MBD4: variants seen among roughly 807,000 people sequenced by gnomAD.
The protein encoded by MBD4 is methyl-CpG-binding domain protein 4.
In MBD4, 53 loss-of-function variants were observed where a neutral mutation model predicts 60.2. The observed-to-expected ratio is 0.88, with a 90% CI of 0.71 to 1.11. The LOEUF (loss-of-function observed/expected upper bound fraction) is 1.11. MBD4 is among the 50% of genes least tolerant of loss of function. The pLI, the probability that MBD4 is intolerant of heterozygous loss-of-function variation, is 0.00. For synonymous variants in MBD4, 231 were observed against 229.8 expected, an observed-to-expected ratio of 1.01 and a Z score of -0.05; for missense variants, 619 against 674.0, an observed-to-expected ratio of 0.92 and a Z score of 0.90.
At chr3:129,431,709 C>G in intron 7 of MBD4, 131 bp from the exon 8 acceptor site, 1 of 712,028 alleles carries the variant, frequency 1.4e-6, no homozygotes, top group East Asian at 2.6e-5. Flanking sequence ...AAGTTATAAC[C>G]TTTAACCTCC....
At chr3:129,439,607 C>G in intron 1 of MBD4, 123 bp downstream of exon 1, 1 of 753,870 alleles carries the variant, frequency 1.3e-6, no homozygotes, top group Admixed American at 2.0e-5. Context: ...GTAACTAAAC[C>G]CGTGGGCTTC....
In MBD4 at chr3:129,437,115, T is replaced by A; in HGVS notation, c.529A>T (p.Asn177Tyr). 1 of 1,613,980 alleles carries A rather than the reference T, an allele frequency of 6.2e-7. No homozygotes were observed. Among genetic ancestry groups the A allele is most frequent in the South Asian group, 1.1e-5 (1 of 91,044 alleles). Residue 177 changes from asparagine to tyrosine, a missense_variant, in exon 3 of 8, where the codon AAC becomes TAC. By Grantham distance (143) the Asn-to-Tyr change is moderately radical. Coordinates refer to ENST00000429544, the MANE Select transcript of MBD4 (RefSeq NM_001276270.2). Reference sequence around the variant, plus strand: ...TTGCACTTGCTTCGGGTCCTGAGGTTCCAGTTTGAATTGTTACTTTGGTTT... The same window carrying A: ...TTGCACTTGCTTCGGGTCCTGAGGTACCAGTTTGAATTGTTACTTTGGTTT... The part of the protein sequence containing the change: ...LQNQSNNSNW[N>Y]LRTRSKCKKD...
chr3:129,437,150 G>C lies in MBD4; in HGVS notation c.494C>G (p.Ser165Cys), dbSNP rs372555016. ...ATTGTTACTTTGGTTTTGTAGATGG[G>C]ATGTCAGGGCTGCCATGCTGCAGTC... ...YKDCSMAALTSHLQNQSNNSN... is the reference protein window; with the variant it reads ...YKDCSMAALTCHLQNQSNNSN... Residue 165 changes from serine (S) to cysteine (C), a missense_variant, in exon 3 of 8, where the codon TCC becomes TGC. By Grantham distance (112) the Ser-to-Cys change is moderately radical (BLOSUM62 -1). Transcript: ENST00000429544. 28 of 1,613,942 alleles carry C rather than the reference G, an allele frequency of 1.7e-5. No individual in the cohort carries two copies. The highest frequency in any genetic ancestry group is 2.2e-5 in the Non-Finnish European group (26 of 1,179,968).
rs528424261 is a variant in MBD4 at position 129,430,954 on chromosome 3, T to C, written c.*547A>G. On this transcript the variant is annotated 3_prime_UTR_variant, in exon 8 of 8. Coordinates refer to ENST00000429544, the MANE Select transcript of MBD4 (RefSeq NM_001276270.2). ...AATGCCAGAGGAATCTTATTTGTCTTTGGGGTCAGCTTTTATTTTTATTTT... is the reference window on the plus strand; with the variant it reads ...AATGCCAGAGGAATCTTATTTGTCTCTGGGGTCAGCTTTTATTTTTATTTT... 99 of 154,700 alleles carry C rather than the reference T, an allele frequency of 6.4e-4. No homozygotes were observed. The highest frequency in any genetic ancestry group is 1.1e-3 in the Non-Finnish European group (74 of 69,676). The allele number at this position is 154,700 out of a possible 1,614,324, so 9.6% of individuals were successfully genotyped here. A position where few individuals can be genotyped will look rare whatever the true frequency, so the allele number is the denominator to read the frequency against.
At chr3:129,432,290 G>A (rs1170189534) in intron 7 of MBD4, 5 of 1,475,580 alleles carry the variant, frequency 3.4e-6, no homozygotes, top group Non-Finnish European at 3.6e-6. Context: ...ATGAGTCAGA[G>A]GCCACGCCGC....
chr3:129,431,539 A>G lies in MBD4; in HGVS notation c.1687T>C (p.Trp563Arg). 6.2e-7 allele frequency: 1 copy of G among 1,613,498 alleles called. No individual in the cohort carries two copies. The highest frequency in any genetic ancestry group is 8.5e-7 in the Non-Finnish European group (1 of 1,179,922). ...AATTTTTCATGATTTTCCCAAAGCC[A>G]GTCATGATATTTATTTAATTTGTGG... ...EDHKLNKYHDWLWENHEKLSL... is the reference protein window; with the variant it reads ...EDHKLNKYHDRLWENHEKLSL... Residue 563 changes from tryptophan (W) to arginine (R), a missense_variant, in exon 8 of 8, where the codon TGG becomes CGG. Physicochemically the swap from Trp to Arg is moderately radical, Grantham distance 101. Coordinates refer to ENST00000429544, the MANE Select transcript of MBD4 (RefSeq NM_001276270.2).
rs1376363155 is a variant in MBD4 at position 129,436,535 on chromosome 3, T to C, written c.1109A>G (p.His370Arg). 3.7e-6 allele frequency: 6 copies of C among 1,614,196 alleles called. No individual in the cohort carries two copies. Among genetic ancestry groups the C allele is most frequent in the Non-Finnish European group, 5.1e-6 (6 of 1,180,018 alleles). The change falls in exon 3 of 8, where the codon CAT becomes CGT. Residue 370 changes from histidine (H) to arginine (R), a missense_variant. By Grantham distance (29) the His-to-Arg change is conservative. Transcript: ENST00000429544. ...ACGTTTTAAAATGTCAGTATGCAAA[T>C]GTTCTTTCCTTTCCACAACTTCTAC... is the stretch of plus-strand genomic sequence containing the variant. ...TKVEVVERKEHLHTDILKRGS... is the reference protein window; with the variant it reads ...TKVEVVERKERLHTDILKRGS...
chr3:129,439,630 G>A (rs1020073745), intron 1 of MBD4, 100 bp downstream of exon 1: 26 of 838,146 alleles, frequency 3.1e-5, no homozygotes, highest in African/African-American at 2.5e-4. Flanking sequence ...GGTTTCTGCC[G>A]ACCCTCTGTC....
rs945648520 is a variant in MBD4 at position 129,432,186 on chromosome 3, G to A, written c.1647+317C>T. ...AACCTTCCTGCTTTCCTGTAGTGGT[G>A]TACTTTTGACAGGAGGAAAACCACG... is the stretch of plus-strand genomic sequence containing the variant. On this transcript the variant is annotated intron_variant, in intron 7 of 7. Transcript: ENST00000429544. 9 of 1,382,992 alleles carry A rather than the reference G, an allele frequency of 6.5e-6. No homozygotes were observed. In the African/African-American group the frequency reaches 7.3e-5, roughly 11 times the overall value. 85.7% of individuals were successfully genotyped at this position (1,382,992 alleles called of 1,614,324 possible). A position where few individuals can be genotyped will look rare whatever the true frequency, so the allele number is the denominator to read the frequency against.
At position 129,432,512 on chromosome 3, in the gene MBD4, C is replaced by T. The variant is rs750406214; in HGVS notation, c.1638G>A (p.Glu546=). The T allele has an allele frequency of 6.2e-7, 1 of 1,614,224 alleles. No homozygotes were observed. Among genetic ancestry groups the T allele is most frequent in the Non-Finnish European group, 8.5e-7 (1 of 1,180,032 alleles). Residue 546 remains glutamate, a synonymous_variant, in exon 7 of 8, where the codon GAG becomes GAA. Transcript: ENST00000429544. ...TGGGAGTGAGCCTCACCTGCTTCCA[C>T]TCATTGACACAAAAAATTCGGTAAG... ...NDSYRIFCVN[E]WKQVHPEDHK...
At chr3:129,438,255 A>T (rs949142891) in intron 1 of MBD4, among the ~76,000 whole-genome samples, 5 of 152,246 alleles carry the variant, frequency 3.3e-5, no homozygotes, top group Admixed American at 3.3e-4. Flanking sequence ...CACTTACCAT[A>T]AATTTGAGAA....
intron 1 of MBD4, among the ~76,000 whole-genome samples, chr3:129,438,203 G>A (rs186820382): frequency 5.6e-4 from 86 of 152,226 alleles, no homozygotes; most frequent in Non-Finnish European, 7.9e-4. Flanking sequence ...GAAACTTTTC[G>A]GATTAATCAC....
intron 1 of MBD4, among the ~76,000 whole-genome samples, chr3:129,438,404 T>A (rs995806632): frequency 2.0e-5 from 3 of 152,194 alleles, no homozygotes; most frequent in Non-Finnish European, 2.9e-5. Context: ...ATCACTTTCA[T>A]CAGATGTAAT....
rs1468563065 is a variant in MBD4, at chr3:129,437,044, C to T, written c.600G>A (p.Glu200=). 1.9e-6 allele frequency: 3 copies of T among 1,614,184 alleles called. No homozygotes were observed. The highest frequency in any genetic ancestry group is 2.2e-5 in the East Asian group (1 of 44,890). ...AAGTAAAGTTAGAGAGTCCTCTGCTCTCCTGCAACTCTGAACTACTACTTG... is the reference window on the plus strand; with the variant it reads ...AAGTAAAGTTAGAGAGTCCTCTGCTTTCCTGCAACTCTGAACTACTACTTG... ...MPPSSSSELQ[E]SRGLSNFTST... is the part of the protein sequence containing the mutation. Residue 200 remains glutamate (E), a synonymous_variant, in exon 3 of 8, where the codon GAG becomes GAA. Coordinates refer to ENST00000429544, the MANE Select transcript of MBD4 (RefSeq NM_001276270.2).
rs1387633479 is a variant in MBD4 at position 129,431,552 on chromosome 3, A to G, written c.1674T>C (p.Asn558=). Residue 558 remains asparagine (N), a synonymous_variant, in exon 8 of 8, where the codon AAT becomes AAC. Coordinates refer to ENST00000429544, the MANE Select transcript of MBD4 (RefSeq NM_001276270.2). ...TTTCCCAAAGCCAGTCATGATATTT[A>G]TTTAATTTGTGGTCTTCAGGGTGCA... The part of the protein sequence containing the change: ...KQVHPEDHKL[N]KYHDWLWENH... 1.2e-6 allele frequency: 2 copies of G among 1,613,030 alleles called. No individual in the cohort carries two copies. Among genetic ancestry groups the G allele is most frequent in the East Asian group, 2.2e-5 (1 of 44,860 alleles).
rs2072342083 is a variant in MBD4 at position 129,431,467 on chromosome 3, T to C, written c.*34A>G. 2 of 1,551,268 alleles carry C rather than the reference T, an allele frequency of 1.3e-6. No homozygotes were observed. The highest frequency in any genetic ancestry group is 2.2e-5 in the South Asian group (2 of 89,762). ...ATTAAGCTTTTTTGAAGTGCAAAGC[T>C]ATGCATAACAGATGAGCTTGAAAGC... On this transcript the variant is annotated 3_prime_UTR_variant, in exon 8 of 8. Transcript: ENST00000429544.
chr3:129,437,360 T>C lies in MBD4; in HGVS notation c.336-52A>G, dbSNP rs763523068. The C allele has an allele frequency of 7.3e-6, 10 of 1,376,152 alleles. No homozygotes were observed. In the Admixed American group the frequency reaches 1.5e-4, roughly 21 times the overall value. The allele number at this position is 1,376,152 out of a possible 1,614,324, so 85.2% of individuals were successfully genotyped here. A position where few individuals can be genotyped will look rare whatever the true frequency, so the allele number is the denominator to read the frequency against. On this transcript the variant is annotated intron_variant, in intron 2 of 7. Coordinates refer to ENST00000429544, the MANE Select transcript of MBD4 (RefSeq NM_001276270.2). The stretch of plus-strand genomic sequence containing the variant: ...ACTGCTAGTAAATAGAAGGGACTTT[T>C]AAAAGAACTGGACCACATTTCAGAT...
At chr3:129,433,806 C>T in intron 5 of MBD4, 44 bp downstream of exon 5, 8 of 1,612,988 alleles carry the variant, frequency 5.0e-6, no homozygotes, top group Non-Finnish European at 6.8e-6. Flanking sequence ...TTTCTCCCTA[C>T]CACACTGTCT....
intron 7 of MBD4, among the ~76,000 whole-genome samples, chr3:129,431,919 C>T (rs1033854220): frequency 6.6e-6 from 1 of 152,160 alleles, no homozygotes; most frequent in African/African-American, 2.4e-5. Flanking sequence ...ATGGATTGCT[C>T]TGATGAAGCT....
Sources: gnomAD v4.1 joint callset for allele counts (sites outside exome capture counted in the v4.1 genomes callset) on GRCh38, gnomAD v4.1.1 for gene constraint, MANE v1.5 for transcripts, NCBI Gene and HGNC (gene_info 2026-07-23, HGNC 2026-07-21) for gene names.